DOCK3: variants seen among roughly 807,000 people sequenced by gnomAD.
The protein encoded by DOCK3 is dedicator of cytokinesis 3, also known as dedicator of cytokinesis protein 3.
A neutral mutation model predicts 265.6 loss-of-function variants in DOCK3; 60 were observed. The ratio of observed to expected loss-of-function variants is 0.23; its 90% CI spans 0.18 to 0.28. The LOEUF is 0.28. DOCK3 is among the 10% of genes least tolerant of loss of function. The probability of loss-of-function intolerance (pLI) is 1.00; values close to 1 mark genes in which losing one functional copy is unlikely to be tolerated. For missense variants in DOCK3, 1,981 were observed against 2,594.3 expected, an observed-to-expected ratio of 0.76 and a Z score of 5.14; for synonymous variants, 881 against 938.0, an observed-to-expected ratio of 0.94 and a Z score of 1.11.
intron 5 of DOCK3, among the ~76,000 whole-genome samples, chr3:50,966,355 G>A (rs1475100220): frequency 6.6e-6 from 1 of 151,896 alleles, no homozygotes; most frequent in Non-Finnish European, 1.5e-5. Context: ...TTGTATGATA[G>A]TTCTGTTTTA....
rs546408060 is a variant in DOCK3 at position 50,867,971 on chromosome 3, A to T, written c.163-22055A>T. ...GTTTGGATGTATCCCCTCTTACTCTATTTTTTGGAATATTTAAAGAAGATT... is the reference window on the plus strand; with the variant it reads ...GTTTGGATGTATCCCCTCTTACTCTTTTTTTTGGAATATTTAAAGAAGATT... On this transcript the variant is annotated intron_variant, in intron 3 of 52. Transcript: ENST00000266037. Among the ~76,000 whole-genome samples, 4 of 151,938 alleles carry T rather than the reference A, an allele frequency of 2.6e-5. No homozygotes were observed. In the East Asian group the frequency reaches 7.7e-4, roughly 29 times the overall value.
intron 2 of DOCK3, among the ~76,000 whole-genome samples, chr3:50,839,444 G>T (rs2045694639): frequency 6.6e-6 from 1 of 152,022 alleles, no homozygotes; most frequent in Non-Finnish European, 1.5e-5. Context: ...TACCATTTTG[G>T]ATTTCCATCA....
At position 50,748,780 on chromosome 3, in the gene DOCK3, G is replaced by A. The variant is rs541578205; in HGVS notation, c.38-29895G>A. On this transcript the variant is annotated intron_variant, in intron 1 of 52. Coordinates refer to ENST00000266037, the MANE Select transcript of DOCK3 (RefSeq NM_004947.5). ...CAGTAGTAGGTTACCTTGAATAGAG[G>A]ATGTCAGCACCTTGGATACTGGGAA... 2.0e-5 allele frequency among the ~76,000 whole-genome samples: 3 copies of A among 152,240 alleles called. No individual in the cohort carries two copies. The East Asian group carries it at 5.8e-4, about 29-fold the overall frequency.
At chr3:50,962,941 C>T (rs2076932388) in intron 5 of DOCK3, among the ~76,000 whole-genome samples, 1 of 152,204 alleles carries the variant, frequency 6.6e-6, no homozygotes, top group African/African-American at 2.4e-5. Flanking sequence ...AATCCCATCA[C>T]TTTGGGAGGC....
rs1367787865 is a variant in DOCK3, at chr3:51,016,765, ATATGTTTATATATAT to A, written c.316-47682_316-47668del. On this transcript the variant is annotated intron_variant, in intron 5 of 52. Coordinates refer to ENST00000266037, the MANE Select transcript of DOCK3 (RefSeq NM_004947.5). ...TATATATCAATATAATATATATGAT[ATATGTTTATATATAT>A]CATATATAAATATATATGATATATG... Among the ~76,000 whole-genome samples the A allele has an allele frequency of 5.8e-4, 23 of 39,338 alleles. 5 individuals are homozygous for A. Among genetic ancestry groups the A allele is most frequent in the South Asian group, 3.6e-3 (3 of 832 alleles). 25.8% of individuals were successfully genotyped at this position (39,338 alleles called of 152,430 possible). A position where few individuals can be genotyped will look rare whatever the true frequency, so the allele number is the denominator to read the frequency against.
intron 4 of DOCK3, among the ~76,000 whole-genome samples, chr3:50,911,134 C>G (rs538183987): frequency 2.0e-5 from 3 of 152,040 alleles, no homozygotes; most frequent in Non-Finnish European, 4.4e-5. Flanking sequence ...TTGATTGCCT[C>G]TTTATCCGTG....
intron 5 of DOCK3, among the ~76,000 whole-genome samples, chr3:51,021,964 A>C (rs557028563): frequency 2.6e-5 from 4 of 152,112 alleles, no homozygotes; most frequent in Non-Finnish European, 5.9e-5. Flanking sequence ...CCTGGCCGAG[A>C]ATTTACATTT....
chr3:50,891,975 G>A (rs996361553), intron 4 of DOCK3, among the ~76,000 whole-genome samples: 1 of 152,024 alleles, frequency 6.6e-6, no homozygotes, highest in Non-Finnish European at 1.5e-5. Flanking sequence ...TACACACAGA[G>A]CAGCCATATT....
At chr3:50,789,545 T>G (rs2042356032) in intron 2 of DOCK3, among the ~76,000 whole-genome samples, 1 of 152,200 alleles carries the variant, frequency 6.6e-6, no homozygotes, top group African/African-American at 2.4e-5. Flanking sequence ...CTTTCTGTCT[T>G]GATAACCTGT....
intron 1 of DOCK3, among the ~76,000 whole-genome samples, chr3:50,760,689 A>G (rs114069356): frequency 0.011 from 1,726 of 152,328 alleles, 42 homozygotes; most frequent in African/African-American, 0.039. Flanking sequence ...ATCAGAATGT[A>G]ACCACGTTGT....
At chr3:51,268,991 C>G (rs1334254799) in intron 23 of DOCK3, among the ~76,000 whole-genome samples, 1 of 151,886 alleles carries the variant, frequency 6.6e-6, no homozygotes, top group African/African-American at 2.4e-5. Flanking sequence ...TGGCACACTC[C>G]TACTACATCA....
At chr3:51,138,907 A>G (rs1553769185) in intron 9 of DOCK3, among the ~76,000 whole-genome samples, 9 of 152,192 alleles carry the variant, frequency 5.9e-5, no homozygotes, top group Non-Finnish European at 1.5e-5. Flanking sequence ...TGGTATACAT[A>G]TTAGTTAGAT....
rs375625203 is a variant in DOCK3 at position 50,926,131 on chromosome 3, A to G, written c.219-7850A>G. Among the ~76,000 whole-genome samples the G allele has an allele frequency of 5.9e-5, 9 of 152,248 alleles. No individual in the cohort carries two copies. The East Asian group carries it at 1.5e-3, about 26-fold the overall frequency. On this transcript the variant is annotated intron_variant, in intron 4 of 52. Coordinates refer to ENST00000266037, the MANE Select transcript of DOCK3 (RefSeq NM_004947.5). Reference sequence around the variant, plus strand: ...GCCATTTTGGCAGCTGGCTTGTGATATAACCCTTGGACAGGTGCTTTGTGC... The same window carrying G: ...GCCATTTTGGCAGCTGGCTTGTGATGTAACCCTTGGACAGGTGCTTTGTGC...
chr3:51,381,311 A>G lies in DOCK3; in HGVS notation c.5845A>G (p.Lys1949Glu), dbSNP rs1168433815. The G allele has an allele frequency of 6.2e-7, 1 of 1,613,408 alleles. No individual in the cohort carries two copies. Among genetic ancestry groups the G allele is most frequent in the African/African-American group, 1.3e-5 (1 of 74,882 alleles). The part of the protein sequence containing the change: ...LSESAVLDSI[K>E]AQPCRSHSAP... ...TGAGTCTGCCGTCCTGGACTCCATC[A>G]AGGCCCAGCCATGCCGAAGCCACTC... Residue 1949 changes from lysine (K) to glutamate (E), a missense_variant, in exon 53 of 53, where the codon AAG (lysine) becomes GAG (glutamate). Physicochemically the swap from Lys to Glu is moderately conservative, Grantham distance 56. Transcript: ENST00000266037. This position sits in a 1 kb window ranked among gnomAD's most constrained non-coding sequence, Gnocchi z 5.6.
intron 5 of DOCK3, among the ~76,000 whole-genome samples, chr3:51,024,414 G>A (rs960854271): frequency 5.3e-5 from 8 of 152,308 alleles, no homozygotes; most frequent in Admixed American, 3.9e-4. Flanking sequence ...GCTAAAGCAA[G>A]TTGGTAGATG....
At chr3:51,091,274 A>G (rs1027417970) in intron 9 of DOCK3, among the ~76,000 whole-genome samples, 2 of 152,178 alleles carry the variant, frequency 1.3e-5, no homozygotes, top group African/African-American at 4.8e-5. Flanking sequence ...TTTTCCTACT[A>G]TCCAGATGTT....
intron 7 of DOCK3, among the ~76,000 whole-genome samples, chr3:51,082,993 C>T (rs989382389): frequency 1.1e-4 from 16 of 152,134 alleles, no homozygotes; most frequent in African/African-American, 3.9e-4. Context: ...CCTGAGTACC[C>T]ACTTGATCAT....
chr3:51,248,175 G>A (rs1433229717), intron 22 of DOCK3, among the ~76,000 whole-genome samples: 1 of 152,090 alleles, frequency 6.6e-6, no homozygotes, highest in Non-Finnish European at 1.5e-5. Context: ...TACAATATAT[G>A]TAAAACAGAT....
intron 5 of DOCK3, among the ~76,000 whole-genome samples, chr3:51,029,992 G>A (rs540891363): frequency 3.9e-5 from 6 of 152,114 alleles, no homozygotes; most frequent in South Asian, 4.2e-4. Context: ...GGCCAGAGGC[G>A]CTCTCCAGCA....
Sources: allele counts gnomAD v4.1 joint callset (sites outside exome capture counted in the v4.1 genomes callset), GRCh38; gene constraint gnomAD v4.1.1; non-coding constraint Gnocchi (gnomAD v3.1); transcripts MANE v1.5; gene names NCBI Gene and HGNC (gene_info 2026-07-23, HGNC 2026-07-21).